Variants in FMN1 observed in about 807,000 individuals in gnomAD.
FMN1 encodes formin 1, also known as formin-1.
FMN1 carries 110 observed loss-of-function variants against 132.4 expected under a neutral mutation model. The ratio of observed to expected loss-of-function variants is 0.83; its 90% CI spans 0.71 to 0.97. The LOEUF (loss-of-function observed/expected upper bound fraction) is 0.97, where lower values mean the gene tolerates loss of function less well. FMN1 is among the 50% of genes least tolerant of loss of function. FMN1 has a pLI of 0.00. For missense variants in FMN1, 1,792 were observed against 1,705.3 expected, an observed-to-expected ratio of 1.05 and a Z score of -0.90; for synonymous variants, 722 against 651.7, an observed-to-expected ratio of 1.11 and a Z score of -1.64.
chr15:33,128,529 ATATGT>A (rs1566942043), intron 4 of FMN1, among the ~76,000 whole-genome samples: 2 of 152,234 alleles, frequency 1.3e-5, no homozygotes, highest in African/African-American at 4.8e-5. Flanking sequence ...AAACAGCGTG[ATATGT>A]TAAGTAAACA....
chr15:33,185,333 A>C (rs1965843012), intron 2 of FMN1, among the ~76,000 whole-genome samples: 2 of 152,220 alleles, frequency 1.3e-5, no homozygotes, highest in South Asian at 4.2e-4. Flanking sequence ...TGGTTCCTTA[A>C]AATAATTCAA....
At chr15:33,062,923 T>C (rs978372565) in intron 6 of FMN1, 1 of 152,218 alleles carries the variant, frequency 6.6e-6, no homozygotes, top group African/African-American at 2.4e-5. Context: ...GTATATTTTC[T>C]ATGAACTGAT....
chr15:33,110,967 A>C (rs777274493), intron 4 of FMN1, among the ~76,000 whole-genome samples: 60 of 152,124 alleles, frequency 3.9e-4, no homozygotes, highest in Non-Finnish European at 8.1e-4. Context: ...TATGATAATT[A>C]TTCCGAGTAA....
chr15:32,818,876 C>T (rs1410739536), intron 17 of FMN1, among the ~76,000 whole-genome samples: 1 of 149,262 alleles, frequency 6.7e-6, no homozygotes, highest in Non-Finnish European at 1.5e-5. Context: ...ATCTCCTGTA[C>T]GCAGGAGCCT....
intron 14 of FMN1, 46 bp downstream of exon 14, chr15:32,899,933 A>T (rs746813445): frequency 2.4e-5 from 38 of 1,586,128 alleles, no homozygotes; most frequent in Middle Eastern, 1.7e-4. Flanking sequence ...AGGTAAAGAA[A>T]GAAAATAATG....
At chr15:32,996,117 T>A (rs1230202669) in intron 7 of FMN1, among the ~76,000 whole-genome samples, 1 of 152,238 alleles carries the variant, frequency 6.6e-6, no homozygotes, top group Admixed American at 6.5e-5. Flanking sequence ...ATCTACCACA[T>A]GCCATTGTGG....
chr15:32,778,290 A>AT (rs970545403), intron 19 of FMN1, among the ~76,000 whole-genome samples: 2 of 143,592 alleles, frequency 1.4e-5, no homozygotes, highest in South Asian at 2.1e-4. Context: ...ATATATATAT[A>AT]TTTTTTTGAG....
At chr15:32,854,551 G>A (rs2059080445) in intron 17 of FMN1, among the ~76,000 whole-genome samples, 1 of 152,134 alleles carries the variant, frequency 6.6e-6, no homozygotes, top group Non-Finnish European at 1.5e-5. Flanking sequence ...TATTCCTAAT[G>A]TTACTTTTAC....
intron 4 of FMN1, among the ~76,000 whole-genome samples, chr15:33,144,067 G>A (rs1392294399): frequency 1.3e-5 from 2 of 152,172 alleles, no homozygotes; most frequent in Non-Finnish European, 2.9e-5. Flanking sequence ...GACTTCACGT[G>A]ATTCAGAAAT....
chr15:32,793,769 A>T (rs916610171), intron 19 of FMN1, among the ~76,000 whole-genome samples: 1 of 152,226 alleles, frequency 6.6e-6, no homozygotes, highest in Non-Finnish European at 1.5e-5. Context: ...AATGAATACA[A>T]GTCATTTAAC....
chr15:32,887,313 C>T (rs962392254), intron 16 of FMN1, among the ~76,000 whole-genome samples: 4 of 152,152 alleles, frequency 2.6e-5, no homozygotes, highest in Admixed American at 1.3e-4. Flanking sequence ...CACATTAACA[C>T]GCTCTCTAAA....
intron 4 of FMN1, among the ~76,000 whole-genome samples, chr15:33,127,972 A>ATTCCCTTTTC (rs376365049): frequency 1.3e-4 from 20 of 152,254 alleles, no homozygotes; most frequent in African/African-American, 4.3e-4. Flanking sequence ...GAAAGGGGAA[A>ATTCCCTTTTC]GGAAGGTAAC....
intron 4 of FMN1, among the ~76,000 whole-genome samples, chr15:33,145,035 T>TA (rs1595563252): frequency 1.3e-5 from 2 of 152,180 alleles, no homozygotes; most frequent in African/African-American, 2.4e-5. Flanking sequence ...AATAACAAGC[T>TA]AAAAAATCGG....
chr15:32,856,100 T>C (rs936366352), intron 17 of FMN1, among the ~76,000 whole-genome samples: 4 of 152,182 alleles, frequency 2.6e-5, no homozygotes, highest in African/African-American at 9.7e-5. Flanking sequence ...GACTGAGAAT[T>C]TCCCTGCTGA....
chr15:32,860,389 G>A (rs369939728), intron 16 of FMN1, among the ~76,000 whole-genome samples: 101 of 152,026 alleles, frequency 6.6e-4, no homozygotes, highest in African/African-American at 2.4e-3. Context: ...ACAGTGGCTC[G>A]TGCCTCTAAT....
intron 5 of FMN1, chr15:33,068,085 G>C (rs1198014171): frequency 3.7e-6 from 5 of 1,356,528 alleles, no homozygotes; most frequent in Non-Finnish European, 4.8e-6. Context: ...ATGTGTTCCA[G>C]GGCAACTGTG....
Position 32,901,863 on chromosome 15 carries a change from T to C in FMN1, c.3507+48A>G, listed in dbSNP as rs117084108. ...TAAAGTGGTCTCTCCCACTTTCTTC[T>C]TTACTCTTCAGAGCAAGGCTATCTT... On this transcript the variant is annotated intron_variant, in intron 13 of 20. Transcript: ENST00000616417. 6,708 of 1,529,678 alleles carry C rather than the reference T, an allele frequency of 4.4e-3. 25 individuals carry two copies. The highest frequency in any genetic ancestry group is 5.2e-3 in the Non-Finnish European group (5,890 of 1,138,446). 94.8% of individuals were successfully genotyped at this position (1,529,678 alleles called of 1,614,324 possible).
In FMN1 at chr15:33,008,011, T is replaced by C. The variant is rs1354410526; in HGVS notation, c.2223+3A>G. 5 of 1,598,366 alleles carry C rather than the reference T, an allele frequency of 3.1e-6. No homozygotes were observed. The highest frequency in any genetic ancestry group is 4.3e-6 in the Non-Finnish European group (5 of 1,171,324). ...CCCGTTCAGTAGCATCAAAGAGGCA[T>C]ACCTGCAGGTTTTCAATTTCTTCTT... On this transcript the variant is annotated splice_donor_region_variant and intron_variant, in intron 7 of 20. Coordinates refer to ENST00000616417, the MANE Select transcript of FMN1 (RefSeq NM_001277313.2).
At chr15:32,796,601 A>G (rs2057298871) in intron 19 of FMN1, among the ~76,000 whole-genome samples, 1 of 152,228 alleles carries the variant, frequency 6.6e-6, no homozygotes, top group South Asian at 2.1e-4. Flanking sequence ...AAGCAATTAT[A>G]GTGTTCCTCA....
Sources: gnomAD v4.1 joint callset for allele counts (sites outside exome capture counted in the v4.1 genomes callset) on GRCh38, gnomAD v4.1.1 for gene constraint, MANE v1.5 for transcripts, NCBI Gene and HGNC (gene_info 2026-07-23, HGNC 2026-07-21) for gene names.